Variants in RIMKLB observed in about 807,000 individuals in gnomAD.
RIMKLB encodes the protein beta-citrylglutamate synthase B.
A neutral mutation model predicts 32.0 loss-of-function variants in RIMKLB; 7 were observed. The observed-to-expected ratio is 0.22, with a 90% CI of 0.12 to 0.41. The LOEUF (loss-of-function observed/expected upper bound fraction) is 0.41, where lower values mean the gene tolerates loss of function less well. RIMKLB is among the 10% of genes least tolerant of loss of function. The probability of loss-of-function intolerance (pLI) is 1.00; values close to 1 mark genes in which losing one functional copy is unlikely to be tolerated. For synonymous variants in RIMKLB, 172 were observed against 185.1 expected, an observed-to-expected ratio of 0.93 and a Z score of 0.57; for missense variants, 289 against 498.7, an observed-to-expected ratio of 0.58 and a Z score of 4.00.
chr12:8,682,034 T>C (rs941220631), intron 1 of RIMKLB, among the ~76,000 whole-genome samples: 4 of 152,044 alleles, frequency 2.6e-5, no homozygotes, highest in Middle Eastern at 3.2e-3. Flanking sequence ...TGAGTTGGAT[T>C]GTAGGACACC....
At chr12:8,742,081 G>A (rs1034361596) in intron 2 of RIMKLB, among the ~76,000 whole-genome samples, 4 of 151,634 alleles carry the variant, frequency 2.6e-5, no homozygotes, top group Middle Eastern at 3.4e-3. Context: ...TGTATTTATA[G>A]TAGAGATGGG....
chr12:8,769,409 C>T (rs150708705), intron 5 of RIMKLB, among the ~76,000 whole-genome samples: 8 of 152,032 alleles, frequency 5.3e-5, no homozygotes, highest in East Asian at 3.9e-4. Context: ...GTTTATTTTG[C>T]GTGTTTTCTA....
chr12:8,681,136 G>C (rs1942401411), upstream of RIMKLB, among the ~76,000 whole-genome samples: 1 of 151,884 alleles, frequency 6.6e-6, no homozygotes, highest in African/African-American at 2.4e-5. Context: ...AATTTTTGTA[G>C]AGATGGGGTT....
At chr12:8,693,271 C>CT (rs780537029), upstream of RIMKLB, among the ~76,000 whole-genome samples, 98 of 152,280 alleles carry the variant, frequency 6.4e-4, 1 homozygote, top group Admixed American at 9.2e-4. Flanking sequence ...CTGGGTAACT[C>CT]TGTTAGGGAA....
intron 5 of RIMKLB, among the ~76,000 whole-genome samples, chr12:8,763,143 A>T (rs1273760420): frequency 6.6e-6 from 1 of 152,184 alleles, no homozygotes; most frequent in Non-Finnish European, 1.5e-5. Flanking sequence ...TTCAGATCCT[A>T]AGACTGCTAC....
intron 2 of RIMKLB, among the ~76,000 whole-genome samples, chr12:8,716,124 C>T (rs1300933259): frequency 6.6e-6 from 1 of 152,136 alleles, no homozygotes; most frequent in East Asian, 1.9e-4. Context: ...AAGGTTACAG[C>T]CATAGTTCCT....
the RIMKLB span, among the ~76,000 whole-genome samples, chr12:8,669,917 C>T: frequency 6.7e-6 from 1 of 150,368 alleles, no homozygotes; most frequent in Non-Finnish European, 1.5e-5. Flanking sequence ...GTCCCAGCTA[C>T]TCGGGAGGCT....
At chr12:8,697,869 G>A (rs1942975523), upstream of RIMKLB, 1 of 146,600 alleles carries the variant, frequency 6.8e-6, no homozygotes, top group Non-Finnish European at 1.5e-5. Context: ...GCGGCGCCAG[G>A]AGGGCGGGGC....
chr12:8,770,214 C>T (rs1005911486), intron 5 of RIMKLB, among the ~76,000 whole-genome samples: 2 of 152,178 alleles, frequency 1.3e-5, no homozygotes, highest in South Asian at 2.1e-4. Flanking sequence ...CTGTTCGCCT[C>T]GACCTCCCAT....
At chr12:8,685,738 G>C (rs757274022) in intron 1 of RIMKLB, among the ~76,000 whole-genome samples, 1 of 150,038 alleles carries the variant, frequency 6.7e-6, no homozygotes, top group African/African-American at 2.5e-5. Flanking sequence ...TCCGCCTTCC[G>C]GTTCAAGTGA....
intron 2 of RIMKLB, among the ~76,000 whole-genome samples, chr12:8,749,061 T>C (rs773406915): frequency 1.5e-4 from 23 of 152,242 alleles, no homozygotes; most frequent in Non-Finnish European, 3.2e-4. Flanking sequence ...TTTTTCATTA[T>C]AGAGGCATAT....
downstream of RIMKLB, among the ~76,000 whole-genome samples, chr12:8,782,111 T>C (rs748963573): frequency 1.4e-5 from 2 of 145,218 alleles, no homozygotes; most frequent in Admixed American, 6.9e-5. Flanking sequence ...TATAAAAATT[T>C]TAATGCTTTA....
chr12:8,759,028 C>G (rs1292261014), intron 5 of RIMKLB, among the ~76,000 whole-genome samples: 1 of 152,124 alleles, frequency 6.6e-6, no homozygotes, highest in Non-Finnish European at 1.5e-5. Context: ...TGTGAATATG[C>G]TTTGCTTTAT....
At chr12:8,733,368 G>A (rs191768450) in intron 2 of RIMKLB, among the ~76,000 whole-genome samples, 228 of 151,556 alleles carry the variant, frequency 1.5e-3, no homozygotes, top group Middle Eastern at 6.9e-3. Context: ...CTTAACTCAG[G>A]ATCTACTATT....
intron 1 of RIMKLB, among the ~76,000 whole-genome samples, chr12:8,712,118 G>GT (rs1379320239): frequency 5.3e-5 from 8 of 152,206 alleles, no homozygotes; most frequent in Non-Finnish European, 8.8e-5. Context: ...ATATCCTGCT[G>GT]TAGGGAAGCC....
chr12:8,752,745 TTG>T (rs1181851423), intron 4 of RIMKLB, among the ~76,000 whole-genome samples: 2 of 148,442 alleles, frequency 1.3e-5, no homozygotes, highest in African/African-American at 5.2e-5. Flanking sequence ...TGTTTGTTTT[TTG>T]TTTTTTTTTT....
intron 5 of RIMKLB, among the ~76,000 whole-genome samples, chr12:8,761,171 C>T (rs868762068): frequency 6.7e-6 from 1 of 150,308 alleles, no homozygotes; most frequent in South Asian, 2.1e-4. Flanking sequence ...TGGCTAAACT[C>T]TATCTCTACA....
intron 1 of RIMKLB, among the ~76,000 whole-genome samples, chr12:8,683,140 GTTTA>G (rs1309510069): frequency 3.3e-5 from 5 of 152,156 alleles, no homozygotes; most frequent in African/African-American, 9.7e-5. Flanking sequence ...ATATACCACA[GTTTA>G]TTTATTCCTT....
intron 3 of RIMKLB, among the ~76,000 whole-genome samples, chr12:8,750,300 G>T (rs1948508590): frequency 6.6e-6 from 1 of 152,170 alleles, no homozygotes; most frequent in Non-Finnish European, 1.5e-5. Flanking sequence ...GGGCAAGATT[G>T]TAAGTATTTT....
Sources: allele counts gnomAD v4.1 joint callset (sites outside exome capture counted in the v4.1 genomes callset), GRCh38; gene constraint gnomAD v4.1.1; transcripts MANE v1.5; gene names NCBI Gene and HGNC (gene_info 2026-07-23, HGNC 2026-07-21).